Variants in MALRD1 observed in about 807,000 individuals in gnomAD.
MALRD1 encodes MAM and LDL receptor class A domain containing 1.
In MALRD1, 247 loss-of-function variants were observed where a neutral mutation model predicts 242.1. The ratio of observed to expected loss-of-function variants is 1.02; its 90% confidence interval spans 0.92 to 1.13. The LOEUF is 1.13. Ranked by LOEUF, MALRD1 falls within the 50% of genes most tolerant of loss-of-function variation. The pLI is 0.00. For missense variants in MALRD1, 2,989 were observed against 2,533.1 expected (o/e 1.18, Z -3.86); for synonymous variants, 995 against 866.6 (o/e 1.15, Z -2.60).
At chr10:19,698,076 C>T (rs981986079) in intron 38 of MALRD1, among the ~76,000 whole-genome samples, 20 of 152,124 alleles carry the variant, frequency 1.3e-4, no homozygotes, top group Non-Finnish European at 2.4e-4. Context: ...AGATCCATAC[C>T]GTGCTTTCAA....
chr10:19,449,574 G>A (rs1835205043), intron 28 of MALRD1, among the ~76,000 whole-genome samples: 1 of 152,152 alleles, frequency 6.6e-6, no homozygotes, highest in South Asian at 2.1e-4. Context: ...AGATGTTGAA[G>A]TCAAATAAAA....
At chr10:19,370,371 A>G (rs748730429) in intron 26 of MALRD1, among the ~76,000 whole-genome samples, 8 of 152,008 alleles carry the variant, frequency 5.3e-5, no homozygotes, top group East Asian at 1.9e-4. Context: ...TATCTCTTCA[A>G]TTGTTCAAGT....
intron 38 of MALRD1, among the ~76,000 whole-genome samples, chr10:19,704,906 GGAGAAC>G (rs1329527403): frequency 6.6e-6 from 1 of 152,060 alleles, no homozygotes; most frequent in East Asian, 1.9e-4. Flanking sequence ...CAGCACTTTG[GGAGAAC>G]GAGGCAGGCA....
chr10:19,661,959 A>C (rs556036358), intron 36 of MALRD1, among the ~76,000 whole-genome samples: 4 of 152,292 alleles, frequency 2.6e-5, no homozygotes, highest in African/African-American at 9.6e-5. Flanking sequence ...TAAGTACTTC[A>C]GGTTCAAAAA....
intron 38 of MALRD1, among the ~76,000 whole-genome samples, chr10:19,715,345 C>A (rs918791356): frequency 6.7e-6 from 1 of 150,354 alleles, no homozygotes; most frequent in African/African-American, 2.4e-5. Context: ...GACAAGATAT[C>A]CATTATAACT....
intron 33 of MALRD1, among the ~76,000 whole-genome samples, chr10:19,585,631 C>T (rs147997232): frequency 0.029 from 4,401 of 152,008 alleles, 159 homozygotes; most frequent in African/African-American, 0.09. Context: ...GTAGGTAACC[C>T]GACCTTTCTT....
intron 29 of MALRD1, among the ~76,000 whole-genome samples, chr10:19,465,731 G>T (rs1432580621): frequency 6.6e-6 from 1 of 151,980 alleles, no homozygotes; most frequent in Non-Finnish European, 1.5e-5. Flanking sequence ...ACAGGATTTA[G>T]CCATGCTGCC....
intron 26 of MALRD1, among the ~76,000 whole-genome samples, chr10:19,368,301 G>C (rs1222498665): frequency 3.3e-5 from 5 of 152,014 alleles, no homozygotes; most frequent in African/African-American, 1.2e-4. Context: ...TATAGGCTGA[G>C]AGGCGGGGGC....
At chr10:19,105,082 A>T (rs979858599) in intron 5 of MALRD1, among the ~76,000 whole-genome samples, 1 of 151,986 alleles carries the variant, frequency 6.6e-6, no homozygotes, top group East Asian at 1.9e-4. Flanking sequence ...ATCGTTAACT[A>T]TACTGTGTAA....
intron 22 of MALRD1, 91 bp from the exon 23 acceptor site, chr10:19,327,472 A>C: frequency 2.4e-5 from 5 of 206,030 alleles, no homozygotes; most frequent in Non-Finnish European, 4.2e-5. Context: ...TATTGCAACT[A>C]AAAAAAAAAA....
chr10:19,369,724 A>G (rs1845290103), intron 26 of MALRD1, among the ~76,000 whole-genome samples: 2 of 151,610 alleles, frequency 1.3e-5, no homozygotes, highest in African/African-American at 4.8e-5. Flanking sequence ...ACACACACAC[A>G]CACATATTCC....
At position 19,447,069 on chromosome 10, in the gene MALRD1, G is replaced by C. The variant is rs5783677; in HGVS notation, c.4846-3238G>C. Among the ~76,000 whole-genome samples the C allele has an allele frequency of 7.9e-4, 112 of 141,892 alleles. No homozygotes were observed. The East Asian group carries it at 0.018, about 23-fold the overall frequency. The allele number at this position is 141,892 out of a possible 152,430, so 93.1% of individuals were successfully genotyped here. On this transcript the variant is annotated intron_variant, in intron 28 of 39. Coordinates refer to ENST00000454679, the MANE Select transcript of MALRD1 (RefSeq NM_001142308.3). ...ACACACACACACACACACATACACA[G>C]ACACACACACACACACACACACACA...
chr10:19,251,813 T>G (rs923582404), intron 18 of MALRD1, among the ~76,000 whole-genome samples: 3 of 151,972 alleles, frequency 2.0e-5, no homozygotes, highest in African/African-American at 7.2e-5. Context: ...CTGGTGAAAG[T>G]GATTGGATCA....
chr10:19,613,924 T>A (rs1045314005), intron 35 of MALRD1, among the ~76,000 whole-genome samples: 1 of 151,922 alleles, frequency 6.6e-6, no homozygotes, highest in African/African-American at 2.4e-5. Flanking sequence ...TCTGGAAAGC[T>A]TTTTCTTACT....
intron 38 of MALRD1, among the ~76,000 whole-genome samples, chr10:19,709,197 G>T (rs950436948): frequency 7.1e-6 from 1 of 141,822 alleles, no homozygotes; most frequent in Non-Finnish European, 1.5e-5. Context: ...CTTTAGGCCA[G>T]AAGTTCAAGA....
chr10:19,237,087 GGATA>G (rs1838353247), intron 18 of MALRD1, among the ~76,000 whole-genome samples: 1 of 151,794 alleles, frequency 6.6e-6, no homozygotes, highest in South Asian at 2.1e-4. Context: ...GATCCAATAA[GGATA>G]GTTAGTGTAT....
intron 14 of MALRD1, among the ~76,000 whole-genome samples, chr10:19,189,072 CAA>C (rs1224408101): frequency 6.6e-6 from 1 of 151,314 alleles, no homozygotes; most frequent in East Asian, 1.9e-4. Context: ...GAGGGAGAGA[CAA>C]AGAGAGAGAG....
At chr10:19,185,052 A>G (rs760273587) in intron 14 of MALRD1, among the ~76,000 whole-genome samples, 2 of 152,240 alleles carry the variant, frequency 1.3e-5, no homozygotes, top group Admixed American at 6.5e-5. Flanking sequence ...TGTTTCCTCA[A>G]GACTAAAATA....
chr10:19,569,789 G>A (rs1589250926), intron 33 of MALRD1, among the ~76,000 whole-genome samples: 1 of 145,452 alleles, frequency 6.9e-6, no homozygotes, highest in East Asian at 2.0e-4. Context: ...TATATATACT[G>A]GAATATATAT....
Sources: allele counts gnomAD v4.1 joint callset (sites outside exome capture counted in the v4.1 genomes callset), GRCh38; gene constraint gnomAD v4.1.1; transcripts MANE v1.5; gene names NCBI Gene and HGNC (gene_info 2026-07-23, HGNC 2026-07-21).